TMEM91: variants seen among roughly 807,000 people sequenced by gnomAD.
The protein encoded by TMEM91 is transmembrane protein 91.
In TMEM91, 6 loss-of-function variants were observed where a neutral mutation model predicts 13.3. The observed-to-expected ratio is 0.45, with a 90% confidence interval of 0.25 to 0.89. The LOEUF is 0.89. TMEM91 is among the 40% of genes least tolerant of loss of function. The pLI, the probability that TMEM91 is intolerant of heterozygous loss-of-function variation, is 0.19. For missense variants in TMEM91, 193 were observed against 228.7 expected (o/e 0.84, Z 1.01); for synonymous variants, 87 against 101.7 (o/e 0.86, Z 0.87).
chr19:41,379,694 C>G (rs2038829623), intron 2 of TMEM91, among the ~76,000 whole-genome samples: 1 of 151,576 alleles, frequency 6.6e-6, no homozygotes, highest in Non-Finnish European at 1.5e-5. Context: ...AAGGAGAAAG[C>G]AGAAAGAAAG....
chr19:41,374,858 C>T (rs2038680850), upstream of TMEM91, among the ~76,000 whole-genome samples: 2 of 152,154 alleles, frequency 1.3e-5, no homozygotes, highest in African/African-American at 2.4e-5. Flanking sequence ...TGGCGCATTC[C>T]TGTAATCCTA....
intron 1 of TMEM91, among the ~76,000 whole-genome samples, chr19:41,364,967 C>G (rs1248598403): frequency 6.6e-6 from 1 of 151,954 alleles, no homozygotes; most frequent in Non-Finnish European, 1.5e-5. Context: ...CTCTTAACTC[C>G]TGGGTTCAAG....
chr19:41,368,357 C>T (rs1259047010), intron 1 of TMEM91, among the ~76,000 whole-genome samples: 1 of 151,132 alleles, frequency 6.6e-6, no homozygotes, highest in African/African-American at 2.4e-5. Flanking sequence ...TTTGAGGCTG[C>T]AGTGAGCTGT....
rs775513043 is a variant in TMEM91, at chr19:41,383,799, G to A, written c.445G>A (p.Gly149Arg). ...RAFLLGVLAV[G>R]LGVCTYAAAL... ...CTTCCTGCTGGGGGTCCTCGCCGTC[G>A]GGCTGGGCGTGTGCACGTATGCGGC... The change falls in exon 4 of 4, where the codon GGG becomes AGG. Residue 149 changes from glycine to arginine, a missense_variant. Physicochemically the swap from Gly to Arg is moderately radical, Grantham distance 125. Transcript: ENST00000392002. 9.9e-6 allele frequency: 16 copies of A among 1,611,146 alleles called. No homozygotes were observed. Among genetic ancestry groups the A allele is most frequent in the Admixed American group, 1.7e-5 (1 of 59,656 alleles).
chr19:41,378,052 A>AAG (rs1232266673), intron 1 of TMEM91, among the ~76,000 whole-genome samples: 34 of 150,072 alleles, frequency 2.3e-4, no homozygotes, highest in South Asian at 8.4e-4. Flanking sequence ...AAAAAAAAAA[A>AAG]AGAGAGAGAG....
chr19:41,364,128 C>T (rs886054459), intron 1 of TMEM91: 1 of 164,430 alleles, frequency 6.1e-6, no homozygotes, highest in South Asian at 1.3e-4. Context: ...CCGCGCTCGT[C>T]TTGGTTTCCG....
At chr19:41,371,612 G>A (rs2038625064), upstream of TMEM91, among the ~76,000 whole-genome samples, 1 of 151,762 alleles carries the variant, frequency 6.6e-6, no homozygotes, top group Non-Finnish European at 1.5e-5. Flanking sequence ...TAGAGATGGG[G>A]TTTCACCATG....
Position 41,378,527 on chromosome 19 carries a change from ACAG to A in TMEM91, c.210+12_210+14del. The A allele has an allele frequency of 6.2e-7, 1 of 1,613,954 alleles. No individual in the cohort carries two copies. Among genetic ancestry groups the A allele is most frequent in the Non-Finnish European group, 8.5e-7 (1 of 1,179,912 alleles). ...AGGCCCCCTGATGTTGAGGTAGGAA[ACAG>A]CAGGCCTTAGTGGAAGGCACGGGAG... On this transcript the variant is annotated intron_variant, in intron 2 of 3. Transcript: ENST00000392002.
rs1311688551 is a variant in TMEM91, at chr19:41,371,385, CTTTCCTT to C, written c.-29-6895_-29-6889del. ...TCCTTCCTTCTTTCCTTCCTTCCTT[CTTTCCTT>C]CCTCCCTCCCTCCCTCCTTTCTCTC... On this transcript the variant is annotated intron_variant, in intron 1 of 3. Coordinates refer to the TMEM91 transcript ENST00000413014. Among the ~76,000 whole-genome samples, 151 of 148,148 alleles carry C rather than the reference CTTTCCTT, an allele frequency of 1.0e-3. 1 individual carries two copies. Among genetic ancestry groups the C allele is most frequent in the African/African-American group, 3.7e-3 (145 of 39,468 alleles).
chr19:41,376,721 C>CA lies in TMEM91; in HGVS notation c.-163_-162insA, dbSNP rs2123181608. 1 of 152,366 alleles carries CA rather than the reference C, an allele frequency of 6.6e-6. No individual in the cohort carries two copies. The highest frequency in any genetic ancestry group is 1.5e-5 in the Non-Finnish European group (1 of 68,054). The allele number at this position is 152,366 out of a possible 1,614,324, so 9.4% of individuals were successfully genotyped here. ...GCCCCGCCCCGTCCCCGCCCCCGCG[C>CA]GCAGCGGGCCCGGGGCGCTGAGACC... is the stretch of plus-strand genomic sequence containing the variant. On this transcript the variant is annotated 5_prime_UTR_variant, in exon 1 of 4. Coordinates refer to ENST00000392002, the MANE Select transcript of TMEM91 (RefSeq NM_001098821.2).
At chr19:41,366,866 G>C (rs1053662630) in intron 1 of TMEM91, among the ~76,000 whole-genome samples, 2 of 152,096 alleles carry the variant, frequency 1.3e-5, no homozygotes, top group Non-Finnish European at 2.9e-5. Flanking sequence ...GGCCGGATTC[G>C]GTGGTTCATG....
upstream of TMEM91, among the ~76,000 whole-genome samples, chr19:41,375,211 C>G (rs1338097868): frequency 2.7e-5 from 4 of 150,410 alleles, no homozygotes; most frequent in African/African-American, 7.4e-5. Flanking sequence ...ATATGCTGGG[C>G]TTGGTACCAG....
intron 2 of TMEM91, among the ~76,000 whole-genome samples, chr19:41,382,129 A>G (rs1479248109): frequency 6.6e-6 from 1 of 151,988 alleles, no homozygotes; most frequent in Non-Finnish European, 1.5e-5. Context: ...GGTCTCCCAA[A>G]GTGCTGGGAT....
At chr19:41,365,118 TCTAG>T (rs912241691) in intron 1 of TMEM91, among the ~76,000 whole-genome samples, 1 of 151,852 alleles carries the variant, frequency 6.6e-6, no homozygotes, top group Non-Finnish European at 1.5e-5. Flanking sequence ...CCTCCTGGGC[TCTAG>T]CTATCCTCCC....
chr19:41,374,569 G>A (rs1206777530), upstream of TMEM91: 1 of 152,132 alleles, frequency 6.6e-6, no homozygotes, highest in Non-Finnish European at 1.5e-5. Flanking sequence ...GCAACTCTAA[G>A]TACTCTACAT....
intron 1 of TMEM91, among the ~76,000 whole-genome samples, chr19:41,371,172 T>C (rs1307517102): frequency 6.6e-6 from 1 of 150,612 alleles, no homozygotes; most frequent in Non-Finnish European, 1.5e-5. Context: ...CGGCTGACTT[T>C]TGTATTTTTA....
intron 1 of TMEM91, chr19:41,377,215 GAGAAT>G (rs112508234): frequency 0.011 from 1,679 of 151,724 alleles, 41 homozygotes; most frequent in African/African-American, 0.039. Context: ...CAGAGGTCAT[GAGAAT>G]AGGAGAGAGT....
chr19:41,377,997 T>G, intron 1 of TMEM91, among the ~76,000 whole-genome samples: 1 of 134,474 alleles, frequency 7.4e-6, no homozygotes, highest in African/African-American at 2.9e-5. Flanking sequence ...GGATCTGCAG[T>G]GGTGGATCTG....
At chr19:41,380,603 C>T (rs930830101) in intron 2 of TMEM91, among the ~76,000 whole-genome samples, 24 of 151,252 alleles carry the variant, frequency 1.6e-4, no homozygotes, top group South Asian at 1.0e-3. Flanking sequence ...AGGGAAAGCC[C>T]GTCTCTACTA....
Sources: allele counts gnomAD v4.1 joint callset (sites outside exome capture counted in the v4.1 genomes callset), GRCh38; gene constraint gnomAD v4.1.1; transcripts MANE v1.5; gene names NCBI Gene and HGNC (gene_info 2026-07-23, HGNC 2026-07-21).